The following FHIT variants were observed in gnomAD, a reference collection of about 807,000 sequenced individuals.
The protein encoded by FHIT is bis(5'-adenosyl)-triphosphatase.
A neutral mutation model predicts 17.9 loss-of-function variants in FHIT; 19 were observed. The observed-to-expected ratio is 1.06, with a 90% CI of 0.74 to 1.56. FHIT has a LOEUF of 1.56. FHIT is among the 40% of genes most tolerant of loss of function. The pLI is 0.00. For synonymous variants in FHIT, 81 were observed against 69.7 expected, an observed-to-expected ratio of 1.16 and a Z score of -0.81; for missense variants, 248 against 189.2, an observed-to-expected ratio of 1.31 and a Z score of -1.82.
chr3:61,120,199 G>A (rs1325779520), intron 2 of FHIT, among the ~76,000 whole-genome samples: 1 of 152,108 alleles, frequency 6.6e-6, no homozygotes, highest in East Asian at 1.9e-4. Flanking sequence ...TAATAGAGTG[G>A]TAACAAATCC....
At chr3:59,906,822 T>TA (rs537967618) in intron 8 of FHIT, among the ~76,000 whole-genome samples, 279 of 152,352 alleles carry the variant, frequency 1.8e-3, no homozygotes, top group Middle Eastern at 0.01. Flanking sequence ...TGGAAATGTC[T>TA]AAGTTTTGAA....
At chr3:60,292,305 A>G (rs1180452764) in intron 5 of FHIT, among the ~76,000 whole-genome samples, 2 of 152,194 alleles carry the variant, frequency 1.3e-5, no homozygotes, top group Non-Finnish European at 2.9e-5. Context: ...GTTGAATATA[A>G]ACCAAGACCT....
At chr3:60,989,458 C>G (rs780112311) in intron 3 of FHIT, among the ~76,000 whole-genome samples, 1 of 152,090 alleles carries the variant, frequency 6.6e-6, no homozygotes, top group Non-Finnish European at 1.5e-5. Flanking sequence ...TTTAATTAAG[C>G]TCTTGCTACA....
intron 5 of FHIT, among the ~76,000 whole-genome samples, chr3:60,383,532 C>G (rs1429406333): frequency 2.6e-5 from 4 of 151,934 alleles, no homozygotes; most frequent in Admixed American, 2.6e-4. Context: ...GGAAAACTTC[C>G]TGCAACAAAG....
At chr3:60,801,799 T>C (rs1446745153) in intron 4 of FHIT, among the ~76,000 whole-genome samples, 1 of 152,224 alleles carries the variant, frequency 6.6e-6, no homozygotes, top group Admixed American at 6.5e-5. Context: ...GAAAGCCTGA[T>C]ACGGTAGGCT....
intron 5 of FHIT, among the ~76,000 whole-genome samples, chr3:60,074,391 T>C (rs555748801): frequency 3.3e-5 from 5 of 152,128 alleles, no homozygotes; most frequent in Middle Eastern, 3.2e-3. Flanking sequence ...GCCACTTCTC[T>C]AACTTCATGT....
intron 7 of FHIT, among the ~76,000 whole-genome samples, chr3:59,960,051 C>G (rs958397900): frequency 6.6e-6 from 1 of 151,782 alleles, no homozygotes; most frequent in African/African-American, 2.4e-5. Flanking sequence ...CCTGGAAAGG[C>G]AGAGAGGAGG....
chr3:60,841,083 A>G (rs375234766), intron 3 of FHIT, among the ~76,000 whole-genome samples: 2 of 152,116 alleles, frequency 1.3e-5, no homozygotes, highest in South Asian at 4.1e-4. Flanking sequence ...TTTTATCTGG[A>G]GAACCCAAAA....
At chr3:60,241,654 T>G (rs1485710242) in intron 5 of FHIT, among the ~76,000 whole-genome samples, 2 of 152,042 alleles carry the variant, frequency 1.3e-5, no homozygotes, top group Non-Finnish European at 2.9e-5. Context: ...GTCAGGGAAT[T>G]GCCTGGAGAG....
intron 5 of FHIT, among the ~76,000 whole-genome samples, chr3:60,479,738 T>G (rs556321768): frequency 2.6e-5 from 4 of 152,310 alleles, no homozygotes; most frequent in African/African-American, 9.6e-5. Flanking sequence ...GATAGAAGCA[T>G]GAACCCTATT....
At chr3:59,991,014 G>T (rs1050413182) in intron 7 of FHIT, among the ~76,000 whole-genome samples, 1 of 152,030 alleles carries the variant, frequency 6.6e-6, no homozygotes, top group Non-Finnish European at 1.5e-5. Flanking sequence ...TTCCTTCCGT[G>T]AGTTCAAACC....
At chr3:59,975,576 C>T (rs1396915924) in intron 7 of FHIT, among the ~76,000 whole-genome samples, 3 of 151,690 alleles carry the variant, frequency 2.0e-5, no homozygotes, top group Non-Finnish European at 4.4e-5. Context: ...ATTGACGGTA[C>T]AAAGAATGCT....
At chr3:59,992,032 A>G (rs79661500) in intron 7 of FHIT, among the ~76,000 whole-genome samples, 14,840 of 152,112 alleles carry the variant, frequency 0.098, 978 homozygotes, top group South Asian at 0.19. Context: ...GGAGATGAGG[A>G]AGAGAGGAAC....
At chr3:60,240,702 T>A (rs186711854) in intron 5 of FHIT, among the ~76,000 whole-genome samples, 2 of 152,222 alleles carry the variant, frequency 1.3e-5, no homozygotes, top group African/African-American at 2.4e-5. Context: ...ATAATTGAGA[T>A]GGAAAGGAGG....
intron 5 of FHIT, among the ~76,000 whole-genome samples, chr3:60,403,893 T>G (rs770792964): frequency 6.6e-6 from 1 of 152,210 alleles, no homozygotes; most frequent in Non-Finnish European, 1.5e-5. Flanking sequence ...CTTCTATTCA[T>G]CTGCCTCTTG....
rs189466571 is a variant in FHIT, at chr3:61,229,689, C to G, written c.-213+21612G>C. On this transcript the variant is annotated intron_variant, in intron 1 of 9. Transcript: ENST00000492590. ...CAAACGTGCAGCACAGGGCCTAGAA[C>G]AAAGTAAGTTTTCAGTACATAATAG... Among the ~76,000 whole-genome samples, 27 of 152,134 alleles carry G rather than the reference C, an allele frequency of 1.8e-4. No individual in the cohort carries two copies. In the East Asian group the frequency reaches 4.4e-3, roughly 25 times the overall value.
chr3:60,635,500 C>G (rs1243950498), intron 4 of FHIT, among the ~76,000 whole-genome samples: 1 of 152,198 alleles, frequency 6.6e-6, no homozygotes, highest in African/African-American at 2.4e-5. Flanking sequence ...CCTCTACTAC[C>G]TGGCTCCATT....
intron 8 of FHIT, among the ~76,000 whole-genome samples, chr3:59,871,084 T>A (rs1702900991): frequency 6.6e-6 from 1 of 152,156 alleles, no homozygotes; most frequent in East Asian, 1.9e-4. Flanking sequence ...AAGTTTCTTA[T>A]CCAAGACTGA....
chr3:60,893,608 T>C (rs1316518040), intron 3 of FHIT, among the ~76,000 whole-genome samples: 1 of 152,184 alleles, frequency 6.6e-6, no homozygotes, highest in African/African-American at 2.4e-5. Context: ...GCCACAGATG[T>C]AGGCAATGTT....
Sources: gnomAD v4.1 joint callset for allele counts (sites outside exome capture counted in the v4.1 genomes callset) on GRCh38, gnomAD v4.1.1 for gene constraint, MANE v1.5 for transcripts, NCBI Gene and HGNC (gene_info 2026-07-23, HGNC 2026-07-21) for gene names.